FNDC3B: variants seen among roughly 807,000 people sequenced by gnomAD.
FNDC3B encodes fibronectin type III domain containing 3B.
In FNDC3B, 12 loss-of-function variants were observed where a neutral mutation model predicts 151.5. The observed-to-expected ratio is 0.08, with a 90% CI of 0.05 to 0.13. The LOEUF is 0.13. Ranked by LOEUF, FNDC3B falls within the 10% of genes least tolerant of loss-of-function variation. FNDC3B has a pLI of 1.00. For synonymous variants in FNDC3B, 528 were observed against 549.0 expected, an observed-to-expected ratio of 0.96 and a Z score of 0.54; for missense variants, 1,214 against 1,505.3, an observed-to-expected ratio of 0.81 and a Z score of 3.20.
intron 3 of FNDC3B, among the ~76,000 whole-genome samples, chr3:172,198,436 T>G (rs1227340123): frequency 6.6e-6 from 1 of 152,234 alleles, no homozygotes; most frequent in Non-Finnish European, 1.5e-5. Context: ...CTATGTAGTT[T>G]GATATCAAGG....
chr3:172,299,290 G>C (rs1730784461), intron 9 of FNDC3B, among the ~76,000 whole-genome samples: 1 of 152,170 alleles, frequency 6.6e-6, no homozygotes, highest in Admixed American at 6.5e-5. Context: ...TGGCTAAACA[G>C]TTAACCCATG....
At chr3:172,245,390 GTACTT>G (rs1375387373) in intron 4 of FNDC3B, among the ~76,000 whole-genome samples, 1 of 152,082 alleles carries the variant, frequency 6.6e-6, no homozygotes, top group Non-Finnish European at 1.5e-5. Flanking sequence ...TAGAAAACAA[GTACTT>G]TACTTCTGTG....
Position 172,258,751 on chromosome 3 carries a change from A to G in FNDC3B, c.790+7210A>G, listed in dbSNP as rs570202940. 5.3e-5 allele frequency among the ~76,000 whole-genome samples: 8 copies of G among 152,334 alleles called. No individual in the cohort carries two copies. The South Asian group carries it at 1.2e-3, about 24-fold the overall frequency. On this transcript the variant is annotated intron_variant, in intron 6 of 25. Transcript: ENST00000415807. ...ATAAGGTCTGGAATGTTGGGAGTCA[A>G]GACAGATTTTCTTTTGGAATCTCTT...
intron 1 of FNDC3B, among the ~76,000 whole-genome samples, chr3:172,059,052 A>G (rs985492134): frequency 1.5e-4 from 23 of 152,212 alleles, no homozygotes; most frequent in African/African-American, 5.1e-4. Flanking sequence ...CATCAAAACC[A>G]ACATCTTCCA....
chr3:172,325,632 TTACTC>T (rs1295497554), intron 11 of FNDC3B, among the ~76,000 whole-genome samples: 1 of 152,182 alleles, frequency 6.6e-6, no homozygotes, highest in Non-Finnish European at 1.5e-5. Context: ...GAACACGGAC[TTACTC>T]TACTCTAATG....
At position 172,360,187 on chromosome 3, in the gene FNDC3B, G is replaced by A. The variant is rs558653237; in HGVS notation, c.2796-2446G>A. On this transcript the variant is annotated intron_variant, in intron 22 of 25. Transcript: ENST00000415807. Reference sequence around the variant, plus strand: ...ATAATGGTATTACATTGCGAATTTAGTTTGCATTTTTCTAATGGCTAATGA... The same window carrying A: ...ATAATGGTATTACATTGCGAATTTAATTTGCATTTTTCTAATGGCTAATGA... 4.3e-4 allele frequency among the ~76,000 whole-genome samples: 65 copies of A among 152,264 alleles called. No individual in the cohort carries two copies. In the South Asian group the frequency reaches 0.012, roughly 27 times the overall value.
chr3:172,221,420 G>A (rs1430264743), intron 3 of FNDC3B, among the ~76,000 whole-genome samples: 1 of 151,426 alleles, frequency 6.6e-6, no homozygotes, highest in African/African-American at 2.4e-5. Context: ...ATCAAAGCAT[G>A]GTCCCTAGAC....
intron 1 of FNDC3B, among the ~76,000 whole-genome samples, chr3:172,053,100 C>T (rs532244364): frequency 6.6e-6 from 1 of 152,252 alleles, no homozygotes; most frequent in South Asian, 2.1e-4. Flanking sequence ...CTGTGTGTGT[C>T]TGTGTGTATA....
intron 23 of FNDC3B, among the ~76,000 whole-genome samples, chr3:172,373,879 C>T (rs1272880631): frequency 6.6e-6 from 1 of 152,158 alleles, no homozygotes; most frequent in Non-Finnish European, 1.5e-5. Flanking sequence ...CTTGTGTTGG[C>T]ATATGTGCTT....
chr3:172,255,233 C>T (rs528004970), intron 6 of FNDC3B, among the ~76,000 whole-genome samples: 3 of 152,294 alleles, frequency 2.0e-5, no homozygotes, highest in Admixed American at 2.0e-4. Context: ...CTAAACCCTG[C>T]ATTCCTGGAC....
intron 25 of FNDC3B, among the ~76,000 whole-genome samples, chr3:172,393,188 T>A (rs1736106107): frequency 2.0e-5 from 3 of 152,008 alleles, no homozygotes. Context: ...AAGTGAAAAG[T>A]TGGAAAAAGA....
chr3:172,039,797 A>C (rs1242559932), intron 1 of FNDC3B, 26 bp downstream of exon 1: 1 of 153,046 alleles, frequency 6.5e-6, no homozygotes, highest in Non-Finnish European at 1.5e-5. Context: ...GCCGGGGACT[A>C]GAGGAGACCG....
chr3:172,362,771 G>C lies in FNDC3B; in HGVS notation c.2934G>C (p.Trp978Cys). The C allele has an allele frequency of 6.2e-7, 1 of 1,614,036 alleles. No individual in the cohort carries two copies. Among genetic ancestry groups the C allele is most frequent in the Non-Finnish European group, 8.5e-7 (1 of 1,179,994 alleles). ...AAGPQSLKLK[W>C]GDSNSKTHAA... ...GTCCTCAGAGCCTGAAGCTAAAATGGGGAGACAGTAACTCCAAGACACATG... is the reference window on the plus strand; with the variant it reads ...GTCCTCAGAGCCTGAAGCTAAAATGCGGAGACAGTAACTCCAAGACACATG... The change falls in exon 23 of 26, where the codon TGG (tryptophan) becomes TGC (cysteine). Residue 978 changes from tryptophan (W) to cysteine (C), a missense_variant. Trp to Cys is a radical substitution (Grantham distance 215). Coordinates refer to ENST00000415807, the MANE Select transcript of FNDC3B (RefSeq NM_022763.4).
chr3:172,155,394 A>G (rs1252139734), intron 3 of FNDC3B, among the ~76,000 whole-genome samples: 2 of 152,124 alleles, frequency 1.3e-5, no homozygotes, highest in Non-Finnish European at 2.9e-5. Context: ...TCAGTTGTCT[A>G]CACAATTCAC....
At chr3:172,154,390 ATTT>A (rs1040071467) in intron 3 of FNDC3B, among the ~76,000 whole-genome samples, 2 of 151,940 alleles carry the variant, frequency 1.3e-5, no homozygotes, top group African/African-American at 4.8e-5. Flanking sequence ...TAATTTTTGT[ATTT>A]TTAGTAGAGA....
intron 1 of FNDC3B, among the ~76,000 whole-genome samples, chr3:172,105,636 A>G (rs1719608891): frequency 6.6e-6 from 1 of 151,422 alleles, no homozygotes. Flanking sequence ...AAAAAAAAAA[A>G]AAGATGGGGT....
At chr3:172,285,435 C>G (rs1729957844) in intron 6 of FNDC3B, among the ~76,000 whole-genome samples, 1 of 152,162 alleles carries the variant, frequency 6.6e-6, no homozygotes, top group Non-Finnish European at 1.5e-5. Context: ...CTTAGACACC[C>G]CAGTGGCTGC....
At chr3:172,255,206 G>A (rs530758081) in intron 6 of FNDC3B, among the ~76,000 whole-genome samples, 14 of 152,032 alleles carry the variant, frequency 9.2e-5, no homozygotes, top group Non-Finnish European at 1.5e-4. Context: ...GCTTAAACCC[G>A]TCTTATATTT....
At chr3:172,247,839 A>G (rs7625921) in intron 5 of FNDC3B, 63 bp downstream of exon 5, 90,635 of 1,566,474 alleles carry the variant, frequency 0.058, 4,234 homozygotes, top group African/African-American at 0.25. Context: ...CAATAGTTCA[A>G]GGCGGTCCTT....
Sources: allele counts gnomAD v4.1 joint callset (sites outside exome capture counted in the v4.1 genomes callset), GRCh38; gene constraint gnomAD v4.1.1; transcripts MANE v1.5; gene names NCBI Gene and HGNC (gene_info 2026-07-23, HGNC 2026-07-21).